The following TMEM232 variants were observed in gnomAD, a reference collection of about 807,000 sequenced individuals.
TMEM232 encodes transmembrane protein 232.
TMEM232 carries 80 observed loss-of-function variants against 78.8 expected under a neutral mutation model. The observed-to-expected ratio is 1.01, with a 90% CI of 0.85 to 1.22. The LOEUF (loss-of-function observed/expected upper bound fraction) is 1.22, where lower values mean the gene tolerates loss of function less well. TMEM232 is among the 50% of genes most tolerant of loss of function. The pLI is 0.00. For missense variants in TMEM232, 881 were observed against 742.2 expected, an observed-to-expected ratio of 1.19 and a Z score of -2.17; for synonymous variants, 297 against 254.3, an observed-to-expected ratio of 1.17 and a Z score of -1.60.
At chr5:110,678,347 G>C (rs1207403173) in intron 1 of TMEM232, among the ~76,000 whole-genome samples, 1 of 152,134 alleles carries the variant, frequency 6.6e-6, no homozygotes, top group Non-Finnish European at 1.5e-5. Flanking sequence ...TTACAGGTGT[G>C]AGCCACCATG....
rs375305977 is a variant in TMEM232, at chr5:110,635,860, G to A, written c.501+2338C>T. Among the ~76,000 whole-genome samples, 13 of 152,050 alleles carry A rather than the reference G, an allele frequency of 8.5e-5. 1 individual carries two copies. The East Asian group carries it at 2.3e-3, about 27-fold the overall frequency. On this transcript the variant is annotated intron_variant, in intron 5 of 13. Transcript: ENST00000455884. ...TGGAAAACAGTGTTTAGGTTTCTAA[G>A]AAACTAAAAATAGAACTACCATATT...
At chr5:110,395,631 T>C (rs1176120894) in intron 3 of TMEM232, among the ~76,000 whole-genome samples, 1 of 152,202 alleles carries the variant, frequency 6.6e-6, no homozygotes, top group East Asian at 1.9e-4. Context: ...GTTGTAGTTG[T>C]TACTGAAAGT....
intron 3 of TMEM232, 47 bp downstream of exon 3, chr5:110,642,213 C>G (rs2150021340): frequency 8.3e-7 from 1 of 1,206,188 alleles, no homozygotes; most frequent in South Asian, 1.5e-5. Flanking sequence ...CATGTACCAA[C>G]TAGAAAGGAA....
chr5:110,590,665 A>G (rs573258530), intron 10 of TMEM232, among the ~76,000 whole-genome samples: 3 of 152,124 alleles, frequency 2.0e-5, no homozygotes, highest in Non-Finnish European at 4.4e-5. Context: ...AAACATCTTC[A>G]TATTATCTTC....
intron 13 of TMEM232, among the ~76,000 whole-genome samples, chr5:110,423,780 C>CGTGCGT (rs1554075234): frequency 4.9e-5 from 7 of 142,390 alleles, no homozygotes; most frequent in Admixed American, 4.9e-4. Flanking sequence ...TTTATGCGTG[C>CGTGCGT]GTGTGTGTGT....
At chr5:110,437,936 G>T (rs1245022949) in intron 12 of TMEM232, among the ~76,000 whole-genome samples, 1 of 152,084 alleles carries the variant, frequency 6.6e-6, no homozygotes, top group South Asian at 2.1e-4. Context: ...CTATCCCAAA[G>T]AATTTAATAA....
rs138548182 is a variant in TMEM232 at position 110,576,584 on chromosome 5, C to G, written c.1277-7959G>C. Reference sequence around the variant, plus strand: ...AAAAGCCTGAATAGCCACGGCAATTCTAAGCAAAAAGAACAAAGCTGGAGG... The same window carrying G: ...AAAAGCCTGAATAGCCACGGCAATTGTAAGCAAAAAGAACAAAGCTGGAGG... On this transcript the variant is annotated intron_variant, in intron 10 of 13. Coordinates refer to ENST00000455884, the MANE Select transcript of TMEM232 (RefSeq NM_001039763.4). Among the ~76,000 whole-genome samples the G allele has an allele frequency of 2.1e-3, 321 of 152,196 alleles. 1 individual carries two copies. The highest frequency in any genetic ancestry group is 7.3e-3 in the African/African-American group (305 of 41,548).
intron 1 of TMEM232, among the ~76,000 whole-genome samples, chr5:110,694,190 T>C (rs1794486123): frequency 6.6e-6 from 1 of 152,192 alleles, no homozygotes; most frequent in African/African-American, 2.4e-5. Flanking sequence ...CAGAATTTCC[T>C]ATCCAGCCAA....
At chr5:110,533,856 A>G (rs1209888489) in intron 11 of TMEM232, among the ~76,000 whole-genome samples, 1 of 152,132 alleles carries the variant, frequency 6.6e-6, no homozygotes, top group Admixed American at 6.5e-5. Flanking sequence ...CACACCAGCA[A>G]AGGCAGGCTA....
At chr5:110,642,653 C>A (rs1279590533) in intron 2 of TMEM232, among the ~76,000 whole-genome samples, 2 of 151,966 alleles carry the variant, frequency 1.3e-5, no homozygotes, top group Non-Finnish European at 2.9e-5. Flanking sequence ...TTGGTATAAG[C>A]CTTCTTTAGA....
chr5:110,567,401 C>T (rs1237870970), intron 11 of TMEM232, among the ~76,000 whole-genome samples: 2 of 150,986 alleles, frequency 1.3e-5, no homozygotes, highest in Non-Finnish European at 3.0e-5. Flanking sequence ...TTAATTCAAC[C>T]TATATTTATT....
intron 2 of TMEM232, among the ~76,000 whole-genome samples, chr5:110,649,106 A>C (rs898716609): frequency 6.6e-6 from 1 of 152,126 alleles, no homozygotes; most frequent in Non-Finnish European, 1.5e-5. Context: ...CAAGGGAATG[A>C]AAAATTAAAC....
At chr5:110,451,057 G>C (rs1760221109) in intron 12 of TMEM232, among the ~76,000 whole-genome samples, 1 of 152,132 alleles carries the variant, frequency 6.6e-6, no homozygotes, top group Admixed American at 6.5e-5. Flanking sequence ...ATCTCAGAAG[G>C]AATACCGCAT....
chr5:110,459,167 T>C (rs1221875903), intron 12 of TMEM232, among the ~76,000 whole-genome samples: 2 of 152,214 alleles, frequency 1.3e-5, no homozygotes, highest in African/African-American at 2.4e-5. Flanking sequence ...TTACATTTTA[T>C]GCTATTACCT....
chr5:110,539,326 A>G (rs10055240), intron 11 of TMEM232, among the ~76,000 whole-genome samples: 14,434 of 152,134 alleles, frequency 0.095, 826 homozygotes, highest in South Asian at 0.2. Flanking sequence ...CCTTGCAAGG[A>G]CCCCATCTTA....
chr5:110,629,621 C>A (rs1253093056), intron 5 of TMEM232, among the ~76,000 whole-genome samples: 1 of 152,100 alleles, frequency 6.6e-6, no homozygotes, highest in Non-Finnish European at 1.5e-5. Flanking sequence ...ACCTTTACCT[C>A]CTTCTTCTCT....
At chr5:110,548,839 A>C (rs1223358609) in intron 11 of TMEM232, among the ~76,000 whole-genome samples, 1 of 152,080 alleles carries the variant, frequency 6.6e-6, no homozygotes, top group Non-Finnish European at 1.5e-5. Flanking sequence ...ATCAAAAGAG[A>C]TCTGTTGTAG....
chr5:110,452,036 C>T lies in TMEM232; in HGVS notation c.1704-27120G>A, dbSNP rs928689274. Among the ~76,000 whole-genome samples, 171 of 152,190 alleles carry T rather than the reference C, an allele frequency of 1.1e-3. 3 individuals are homozygous for T. Among genetic ancestry groups the T allele is most frequent in the Non-Finnish European group, 1.8e-4 (12 of 67,966 alleles). ...CTAGCAAAGAAAACCACCATAGACC[C>T]TTATTCAGTTTAGAATGTTTTTCCC... On this transcript the variant is annotated intron_variant, in intron 12 of 13. Coordinates refer to ENST00000455884, the MANE Select transcript of TMEM232 (RefSeq NM_001039763.4).
At chr5:110,633,287 A>G (rs146580459) in intron 5 of TMEM232, among the ~76,000 whole-genome samples, 12 of 152,302 alleles carry the variant, frequency 7.9e-5, no homozygotes, top group Admixed American at 3.9e-4. Flanking sequence ...ATGAAAACAT[A>G]CGAAAGTATA....
Sources: allele counts gnomAD v4.1 joint callset (sites outside exome capture counted in the v4.1 genomes callset), GRCh38; gene constraint gnomAD v4.1.1; transcripts MANE v1.5; gene names NCBI Gene and HGNC (gene_info 2026-07-23, HGNC 2026-07-21).